The following ECT2 variants were observed in gnomAD, a reference collection of about 807,000 sequenced individuals.
The protein encoded by ECT2 is epithelial cell transforming 2.
A neutral mutation model predicts 116.9 loss-of-function variants in ECT2; 61 were observed. That is an observed-to-expected ratio of 0.52 (90% confidence interval 0.42 to 0.65). The LOEUF (loss-of-function observed/expected upper bound fraction) is 0.65, where lower values mean the gene tolerates loss of function less well. Ranked by LOEUF, ECT2 falls within the 30% of genes least tolerant of loss-of-function variation. The pLI, the probability that ECT2 is intolerant of heterozygous loss-of-function variation, is 0.00. For missense variants in ECT2, 937 were observed against 1,078.7 expected (o/e 0.87, Z 1.84); for synonymous variants, 358 against 346.4 (o/e 1.03, Z -0.37).
chr3:172,780,566 G>C (rs994820643), intron 14 of ECT2, among the ~76,000 whole-genome samples: 1 of 152,122 alleles, frequency 6.6e-6, no homozygotes, highest in African/African-American at 2.4e-5. Flanking sequence ...TTTATTTAGA[G>C]ATGTGGTCAT....
chr3:172,770,714 A>T (rs1435930831), intron 13 of ECT2, among the ~76,000 whole-genome samples: 2 of 152,212 alleles, frequency 1.3e-5, no homozygotes, highest in African/African-American at 4.8e-5. Flanking sequence ...GATTTGGAAT[A>T]ACTTAATTAT....
intron 18 of ECT2, among the ~76,000 whole-genome samples, chr3:172,790,188 A>T (rs952349375): frequency 6.6e-6 from 1 of 152,192 alleles, no homozygotes; most frequent in Non-Finnish European, 1.5e-5. Flanking sequence ...ATATGGTCTT[A>T]AATGGCAACC....
chr3:172,813,410 G>T (rs1729116147), intron 22 of ECT2, among the ~76,000 whole-genome samples: 1 of 152,028 alleles, frequency 6.6e-6, no homozygotes, highest in Non-Finnish European at 1.5e-5. Flanking sequence ...ATTCTTTCCT[G>T]TTCTGACAGA....
Position 172,762,564 on chromosome 3 carries a change from G to T in ECT2, c.889+18G>T. 1 of 1,585,476 alleles carries T rather than the reference G, an allele frequency of 6.3e-7. No homozygotes were observed. The highest frequency in any genetic ancestry group is 8.5e-7 in the Non-Finnish European group (1 of 1,172,352). ...AATGCAAGGTAAAATTTAGCATAAT[G>T]TAAAAGTTATATCTATTTTAGTCCC... On this transcript the variant is annotated intron_variant, in intron 9 of 24. Transcript: ENST00000392692.
In ECT2 at chr3:172,820,250, A is replaced by T. The variant is rs76273285; in HGVS notation, c.*13A>T. 8,920 of 1,573,666 alleles carry T rather than the reference A, an allele frequency of 5.7e-3. 135 individuals carry two copies. Among genetic ancestry groups the T allele is most frequent in the South Asian group, 0.041 (3,566 of 86,416 alleles). On this transcript the variant is annotated 3_prime_UTR_variant, in exon 25 of 25. Transcript: ENST00000392692. ...TCATTTGATATGAAGCGTTACCAAA[A>T]TCTTAAATTATAGAAATGTATAGAC...
At chr3:172,804,471 A>G (rs1727312351) in intron 20 of ECT2, among the ~76,000 whole-genome samples, 1 of 152,200 alleles carries the variant, frequency 6.6e-6, no homozygotes, top group Non-Finnish European at 1.5e-5. Flanking sequence ...TTCCCTCATA[A>G]AAAGGACTTT....
rs60558773 is a variant in ECT2 at position 172,776,198 on chromosome 3, CTTTTTT to C, written c.1548+2194_1548+2199del. Reference sequence around the variant, plus strand: ...TCAACTATTAGTTTTTCAGTTTTTTCTTTTTTTTTTTTTTTTTTTTTTTGTCATCTA... The same window carrying C: ...TCAACTATTAGTTTTTCAGTTTTTTCTTTTTTTTTTTTTTTTTGTCATCTA... On this transcript the variant is annotated intron_variant, in intron 14 of 24. Transcript: ENST00000392692. 8.0e-3 allele frequency among the ~76,000 whole-genome samples: 895 copies of C among 111,536 alleles called. 3 individuals are homozygous for C. The highest frequency in any genetic ancestry group is 0.028 in the African/African-American group (819 of 28,766). The allele number at this position is 111,536 out of a possible 152,430, so 73.2% of individuals were successfully genotyped here.
rs760861778 is a variant in ECT2, at chr3:172,802,843, T to C, written c.1987-18T>C. 5 of 1,595,520 alleles carry C rather than the reference T, an allele frequency of 3.1e-6. No individual in the cohort carries two copies. The highest frequency in any genetic ancestry group is 1.2e-5 in the South Asian group (1 of 86,456). On this transcript the variant is annotated intron_variant, in intron 19 of 24. Transcript: ENST00000392692. ...TGATACCAAGTGATCTCTTTTGTTATATTTTCAACCTATACAGGCTAATCT... is the reference window on the plus strand; with the variant it reads ...TGATACCAAGTGATCTCTTTTGTTACATTTTCAACCTATACAGGCTAATCT...
chr3:172,789,084 T>G (rs888766273), intron 18 of ECT2, among the ~76,000 whole-genome samples: 2 of 148,298 alleles, frequency 1.3e-5, no homozygotes, highest in African/African-American at 4.9e-5. Context: ...AAGCTAACAA[T>G]TATCTGAGCC....
At chr3:172,807,053 A>G (rs1367845440) in intron 21 of ECT2, among the ~76,000 whole-genome samples, 2 of 152,222 alleles carry the variant, frequency 1.3e-5, no homozygotes, top group Non-Finnish European at 2.9e-5. Flanking sequence ...CTTGGTATCC[A>G]CGGGGGACGG....
intron 22 of ECT2, among the ~76,000 whole-genome samples, chr3:172,812,760 C>T (rs1011080376): frequency 2.6e-5 from 4 of 152,004 alleles, no homozygotes; most frequent in Non-Finnish European, 5.9e-5. Context: ...CTGAATTTGC[C>T]TCTATATCTT....
At chr3:172,818,950 AT>A in intron 24 of ECT2, 1 of 670,230 alleles carries the variant, frequency 1.5e-6, no homozygotes, top group Non-Finnish European at 1.9e-6. Flanking sequence ...ATTAATAACA[AT>A]TTAGGTTTAA....
At chr3:172,792,577 C>T (rs1724881697) in intron 18 of ECT2, among the ~76,000 whole-genome samples, 1 of 151,660 alleles carries the variant, frequency 6.6e-6, no homozygotes, top group South Asian at 2.1e-4. Context: ...ATGTTGATGG[C>T]ATTTTGGTTG....
chr3:172,828,334 C>CTGTGTGTGTGTGTGTGTGTGTGTGTGTG, the ECT2 span, among the ~76,000 whole-genome samples: 4 of 150,160 alleles, frequency 2.7e-5, no homozygotes, highest in African/African-American at 9.8e-5. Flanking sequence ...TACCAACAGG[C>CTGTGTGTGTGTGTGTGTGTGTGTGTGTG]TGTGTGTGTG....
intron 22 of ECT2, among the ~76,000 whole-genome samples, chr3:172,808,157 C>A (rs953011026): frequency 3.3e-5 from 5 of 152,054 alleles, no homozygotes; most frequent in Admixed American, 3.3e-4. Flanking sequence ...AGTCTTATAG[C>A]CCCTGTGGCT....
At chr3:172,757,290 A>G in intron 5 of ECT2, 125 bp downstream of exon 5, 1 of 660,504 alleles carries the variant, frequency 1.5e-6, no homozygotes, top group Non-Finnish European at 2.4e-6. Flanking sequence ...AATAGGAATA[A>G]TAGTGGCTAT....
intron 13 of ECT2, among the ~76,000 whole-genome samples, chr3:172,772,153 A>T (rs113695552): frequency 0.031 from 4,706 of 152,066 alleles, 160 homozygotes; most frequent in East Asian, 0.16. Flanking sequence ...GGCATGTGCC[A>T]CCACACCCAG....
intron 18 of ECT2, among the ~76,000 whole-genome samples, chr3:172,800,247 A>G (rs1278657734): frequency 6.6e-6 from 1 of 152,160 alleles, no homozygotes; most frequent in Non-Finnish European, 1.5e-5. Context: ...TAATAATTAA[A>G]TTTTCCATAA....
chr3:172,802,612 T>C lies in ECT2; in HGVS notation c.1908-4T>C. The stretch of plus-strand genomic sequence containing the variant: ...TAAAAGTTTTAAAAATAACTATTTT[T>C]CAGGCATATTAATGAGGATAAGAGA... On this transcript the variant is annotated splice_region_variant and splice_polypyrimidine_tract_variant and intron_variant, in intron 18 of 24. Transcript: ENST00000392692. 6.5e-7 allele frequency: 1 copy of C among 1,534,572 alleles called. No individual in the cohort carries two copies. The highest frequency in any genetic ancestry group is 8.8e-7 in the Non-Finnish European group (1 of 1,130,442).
Sources: allele counts gnomAD v4.1 joint callset (sites outside exome capture counted in the v4.1 genomes callset), GRCh38; gene constraint gnomAD v4.1.1; transcripts MANE v1.5; gene names NCBI Gene and HGNC (gene_info 2026-07-23, HGNC 2026-07-21).